The following NAA38 variants were observed in gnomAD, a reference collection of about 807,000 sequenced individuals.
The protein encoded by NAA38 is LSM domain containing 1.
In NAA38, 15 loss-of-function variants were observed where a neutral mutation model predicts 12.6. The observed-to-expected ratio is 1.19, with a 90% CI of 0.79 to 1.83. The LOEUF (loss-of-function observed/expected upper bound fraction) is 1.83. Among genes scored for constraint, NAA38 ranks in the 40% most tolerant of loss-of-function variants. NAA38 has a pLI of 0.00. For missense variants in NAA38, 183 were observed against 171.7 expected, an observed-to-expected ratio of 1.07 and a Z score of -0.37; for synonymous variants, 88 against 69.9, an observed-to-expected ratio of 1.26 and a Z score of -1.29.
chr17:7,867,015 G>C (rs1339373005), intron 2 of NAA38, among the ~76,000 whole-genome samples: 1 of 152,194 alleles, frequency 6.6e-6, no homozygotes, highest in African/African-American at 2.4e-5. Flanking sequence ...ATCATCTCAA[G>C]CTAAGATTTG....
At chr17:7,864,060 A>G (rs72841430) in intron 3 of NAA38, 2,593 of 152,318 alleles carry the variant, frequency 0.017, 48 homozygotes, top group Non-Finnish European at 0.023. Context: ...ACATCACGAT[A>G]AGGTTAATGC....
chr17:7,872,523 C>T (rs965362386), intron 2 of NAA38, among the ~76,000 whole-genome samples: 6 of 152,150 alleles, frequency 3.9e-5, no homozygotes, highest in Admixed American at 6.5e-5. Flanking sequence ...CCACCACGCC[C>T]GGCTAATTTT....
At chr17:7,869,117 T>C (rs1967039845) in intron 2 of NAA38, among the ~76,000 whole-genome samples, 1 of 152,244 alleles carries the variant, frequency 6.6e-6, no homozygotes, top group Non-Finnish European at 1.5e-5. Context: ...CTTGATGGTT[T>C]AGAATGCAGC....
intron 2 of NAA38, among the ~76,000 whole-genome samples, chr17:7,879,530 C>T (rs1453215010): frequency 1.3e-5 from 2 of 151,692 alleles, no homozygotes; most frequent in African/African-American, 4.8e-5. Flanking sequence ...CTTGCTTTTG[C>T]GTTAAATAAT....
chr17:7,869,535 G>A (rs1163521215), intron 2 of NAA38, among the ~76,000 whole-genome samples: 1 of 152,174 alleles, frequency 6.6e-6, no homozygotes, highest in Non-Finnish European at 1.5e-5. Flanking sequence ...GCCGAGGCGG[G>A]TGGATCACTT....
At chr17:7,871,232 C>T (rs1967079601) in intron 2 of NAA38, among the ~76,000 whole-genome samples, 1 of 152,186 alleles carries the variant, frequency 6.6e-6, no homozygotes, top group Admixed American at 6.5e-5. Flanking sequence ...CTCTCAATAG[C>T]TCTGACCTTG....
rs1281052146 is a variant in NAA38, at chr17:7,857,043, G to A, written c.237C>T (p.Gly79=). Residue 79 remains glycine (G), a synonymous_variant, in exon 2 of 3, where the codon GGC becomes GGT. Coordinates refer to ENST00000575771, the MANE Select transcript of NAA38 (RefSeq NM_001320925.4). ...CTDRDCNVIL[G]SAQEFLKPSD... is the part of the protein sequence containing the mutation. ...ACGGCTTGAGGAACTCCTGCGCCGA[G>A]CCCAGGATGACATTGCAGTCACGGT... is the stretch of plus-strand genomic sequence containing the variant. 19 of 1,611,792 alleles carry A rather than the reference G, an allele frequency of 1.2e-5. No individual in the cohort carries two copies. Among genetic ancestry groups the A allele is most frequent in the Non-Finnish European group, 1.4e-5 (17 of 1,178,802 alleles).
chr17:7,867,801 AG>A (rs1354749317), intron 2 of NAA38, among the ~76,000 whole-genome samples: 3 of 152,214 alleles, frequency 2.0e-5, no homozygotes, highest in Admixed American at 6.5e-5. Flanking sequence ...GAACTAGGTT[AG>A]TGGCAGTGGA....
chr17:7,870,099 C>T (rs1248971340), intron 2 of NAA38, among the ~76,000 whole-genome samples: 3 of 152,064 alleles, frequency 2.0e-5, no homozygotes, highest in Non-Finnish European at 2.9e-5. Context: ...AGTGGTCAAT[C>T]GAAGAAGATC....
upstream of NAA38, chr17:7,857,764 C>T (rs991341482): frequency 4.8e-5 from 61 of 1,275,648 alleles, 2 homozygotes; most frequent in Admixed American, 1.9e-3. Flanking sequence ...CTGCCTCCTC[C>T]CTTGTTTTTC....
upstream of NAA38, chr17:7,861,474 C>T (rs1272639075): frequency 6.6e-6 from 1 of 152,150 alleles, no homozygotes; most frequent in African/African-American, 2.4e-5. Context: ...CTCAATTAAA[C>T]CCTGAACTAT....
chr17:7,862,715 G>A (rs2078891169), upstream of NAA38: 2 of 149,756 alleles, frequency 1.3e-5, no homozygotes, highest in African/African-American at 2.5e-5. Context: ...CTCCAGCCTG[G>A]GCAACAAGAA....
At position 7,866,460 on chromosome 17, in the gene NAA38, C is replaced by A. The variant is rs886444046; in HGVS notation, c.3+31G>T. The A allele has an allele frequency of 4.1e-6, 5 of 1,231,202 alleles. No homozygotes were observed. In the Admixed American group the frequency reaches 2.1e-4, roughly 52 times the overall value. 76.3% of individuals were successfully genotyped at this position (1,231,202 alleles called of 1,614,324 possible). Reference sequence around the variant, plus strand: ...GTTAAAAGTCTTCAAAGGCAACCTACTTCTCTTAAGATGAACTTAGAAACC... The same window carrying A: ...GTTAAAAGTCTTCAAAGGCAACCTAATTCTCTTAAGATGAACTTAGAAACC... On this transcript the variant is annotated intron_variant, in intron 3 of 4. Transcript: ENST00000576861.
chr17:7,862,814 T>TC (rs2078892137), upstream of NAA38: 1 of 151,524 alleles, frequency 6.6e-6, no homozygotes, highest in Non-Finnish European at 1.5e-5. Flanking sequence ...ATCTGTCATT[T>TC]CCCCATATGG....
intron 2 of NAA38, among the ~76,000 whole-genome samples, chr17:7,867,972 G>A (rs1158568770): frequency 6.6e-6 from 1 of 152,190 alleles, no homozygotes; most frequent in Non-Finnish European, 1.5e-5. Flanking sequence ...GAGGACTTTG[G>A]GAAGGAAAGT....
At chr17:7,875,052 C>T (rs756120186) in intron 2 of NAA38, among the ~76,000 whole-genome samples, 2 of 151,374 alleles carry the variant, frequency 1.3e-5, no homozygotes, top group Non-Finnish European at 2.9e-5. Context: ...TAAAACTATC[C>T]GGTTGTGGTG....
chr17:7,880,485 G>GTC (rs1967252854), intron 2 of NAA38, among the ~76,000 whole-genome samples: 2 of 152,200 alleles, frequency 1.3e-5, no homozygotes, highest in Non-Finnish European at 2.9e-5. Flanking sequence ...GTTATAAAAT[G>GTC]TCTCTAAGGT....
At position 7,856,834 on chromosome 17, in the gene NAA38, G is replaced by T; in HGVS notation, c.275C>A (p.Ser92Tyr). ...QEFLKPSDSF[S>Y]AGEPRVLGLA... ...GCCCAGCACACGGGGCTCCCCGGCA[G>T]AGAAGGAATCTGGAAAGAAGGATCA... The change falls in exon 3 of 3, where the codon TCT becomes TAT. Residue 92 changes from serine to tyrosine, a missense_variant. Transcript: ENST00000575771. 6.2e-7 allele frequency: 1 copy of T among 1,613,818 alleles called. No homozygotes were observed. The highest frequency in any genetic ancestry group is 8.5e-7 in the Non-Finnish European group (1 of 1,179,992).
intron 2 of NAA38, among the ~76,000 whole-genome samples, chr17:7,875,904 T>G (rs556042164): frequency 6.6e-6 from 1 of 152,366 alleles, no homozygotes; most frequent in Admixed American, 6.5e-5. Flanking sequence ...ATGTGGCCTT[T>G]TATGTCTAAC....
Sources: allele counts gnomAD v4.1 joint callset (sites outside exome capture counted in the v4.1 genomes callset), GRCh38; gene constraint gnomAD v4.1.1; transcripts MANE v1.5; gene names NCBI Gene and HGNC (gene_info 2026-07-23, HGNC 2026-07-21).